ZBBX: variants seen among roughly 807,000 people sequenced by gnomAD.
ZBBX encodes the protein zinc finger B-box domain containing, also known as zinc finger B-box domain-containing protein 1.
Under a neutral mutation model 108.5 loss-of-function variants are expected in ZBBX, and 101 were observed. The ratio of observed to expected loss-of-function variants is 0.93; its 90% confidence interval spans 0.79 to 1.10. ZBBX has a LOEUF of 1.10. Among genes scored for constraint, ZBBX ranks in the 50% least tolerant of loss-of-function variants. The pLI, the probability that ZBBX is intolerant of heterozygous loss-of-function variation, is 0.00. For synonymous variants in ZBBX, 356 were observed against 323.4 expected (o/e 1.10, Z -1.08); for missense variants, 1,009 against 941.4 (o/e 1.07, Z -0.94).
At chr3:167,384,177 TA>T (rs1747830845), upstream of ZBBX, among the ~76,000 whole-genome samples, 1 of 152,030 alleles carries the variant, frequency 6.6e-6, no homozygotes, top group African/African-American at 2.4e-5. Flanking sequence ...AATGTAAAAA[TA>T]GAGCAAGTGG....
At position 167,244,062 on chromosome 3, in the gene ZBBX, T is replaced by A. The variant is rs1322816494; in HGVS notation, c.2255-1419A>T. 2.0e-5 allele frequency among the ~76,000 whole-genome samples: 3 copies of A among 152,240 alleles called. No individual in the cohort carries two copies. In the South Asian group the frequency reaches 6.2e-4, roughly 32 times the overall value. On this transcript the variant is annotated intron_variant, in intron 20 of 21. Coordinates refer to ENST00000675490, the MANE Select transcript of ZBBX (RefSeq NM_001199201.2). Reference sequence around the variant, plus strand: ...AAGACAAAAGATTTTTTAGTTAAAATTTTTTAAACCTCCTAATTACTTCCA... The same window carrying A: ...AAGACAAAAGATTTTTTAGTTAAAAATTTTTAAACCTCCTAATTACTTCCA...
In ZBBX at chr3:167,273,489, T is replaced by A. The variant is rs189248930; in HGVS notation, c.2254+8749A>T. ...CCTGTGGGTCAGCCCCCAAGGGCCA[T>A]TCAGCTTCGGTCTTCTGCTCATTTC... On this transcript the variant is annotated intron_variant, in intron 20 of 21. Transcript: ENST00000675490. Among the ~76,000 whole-genome samples the A allele has an allele frequency of 2.3e-4, 35 of 152,298 alleles. No individual in the cohort carries two copies. The East Asian group carries it at 6.8e-3, about 30-fold the overall frequency.
chr3:167,254,337 C>T (rs1346104708), intron 20 of ZBBX, among the ~76,000 whole-genome samples: 2 of 152,070 alleles, frequency 1.3e-5, no homozygotes, highest in African/African-American at 2.4e-5. Flanking sequence ...GAACCGGGTA[C>T]AGTGTATGTG....
At chr3:167,256,030 A>T (rs923681824) in intron 20 of ZBBX, among the ~76,000 whole-genome samples, 5 of 152,016 alleles carry the variant, frequency 3.3e-5, no homozygotes, top group African/African-American at 1.2e-4. Context: ...TGATGTTTAG[A>T]TCCCACAAAT....
chr3:167,333,532 A>T (rs531648701), intron 10 of ZBBX, among the ~76,000 whole-genome samples: 2 of 152,296 alleles, frequency 1.3e-5, no homozygotes, highest in Non-Finnish European at 2.9e-5. Flanking sequence ...TGTGGTTTTT[A>T]AAAAAATGTT....
chr3:167,206,406 T>C, the ZBBX span, among the ~76,000 whole-genome samples: 2 of 152,068 alleles, frequency 1.3e-5, no homozygotes, highest in East Asian at 3.8e-4. Context: ...ATGCTGAGTT[T>C]TTCATATTGT....
At chr3:167,191,757 A>G in the ZBBX span, among the ~76,000 whole-genome samples, 2 of 151,762 alleles carry the variant, frequency 1.3e-5, no homozygotes, top group Non-Finnish European at 2.9e-5. Flanking sequence ...AAGTATTAGT[A>G]GGGGATCTTG....
At chr3:167,283,773 G>A (rs1729227406) in intron 19 of ZBBX, among the ~76,000 whole-genome samples, 1 of 152,160 alleles carries the variant, frequency 6.6e-6, no homozygotes, top group Admixed American at 6.5e-5. Context: ...AGGCTCCCAA[G>A]CTGGGATTAC....
At position 167,298,473 on chromosome 3, in the gene ZBBX, A is replaced by G. The variant is rs765995423; in HGVS notation, c.1726-15T>C. On this transcript the variant is annotated splice_polypyrimidine_tract_variant and intron_variant, in intron 17 of 21. Coordinates refer to ENST00000675490, the MANE Select transcript of ZBBX (RefSeq NM_001199201.2). The stretch of plus-strand genomic sequence containing the variant: ...TCTTGTAACAACTAAGAAACAAAAT[A>G]TTCAACAATATTATTTTCTAACTCA... The G allele has an allele frequency of 4.8e-6, 7 of 1,447,426 alleles. No individual in the cohort carries two copies. The highest frequency in any genetic ancestry group is 6.5e-6 in the Non-Finnish European group (7 of 1,084,590). The allele number at this position is 1,447,426 out of a possible 1,614,324, so 89.7% of individuals were successfully genotyped here.
chr3:167,334,316 T>C (rs1739185799), intron 9 of ZBBX, among the ~76,000 whole-genome samples: 1 of 152,154 alleles, frequency 6.6e-6, no homozygotes, highest in African/African-American at 2.4e-5. Context: ...CTCGCTCCTG[T>C]AATCTCAGCA....
chr3:167,214,685 A>G, the ZBBX span, among the ~76,000 whole-genome samples: 1 of 152,166 alleles, frequency 6.6e-6, no homozygotes, highest in Non-Finnish European at 1.5e-5. Flanking sequence ...AACAGAATGC[A>G]CATTCTTCTC....
At chr3:167,254,303 C>T (rs532426992) in intron 20 of ZBBX, among the ~76,000 whole-genome samples, 58 of 152,144 alleles carry the variant, frequency 3.8e-4, no homozygotes, top group African/African-American at 1.4e-3. Context: ...TGTGTGTATG[C>T]AAATAGGACA....
intron 18 of ZBBX, among the ~76,000 whole-genome samples, chr3:167,295,681 AAAAAAATCATGAAG>A (rs1281807915): frequency 1.4e-5 from 2 of 143,940 alleles, no homozygotes; most frequent in Non-Finnish European, 3.0e-5. Flanking sequence ...GAAATTTTAA[AAAAAAATCATGAAG>A]AAACAAAAAA....
chr3:167,285,231 T>A (rs1053050377), intron 19 of ZBBX, among the ~76,000 whole-genome samples: 6 of 152,076 alleles, frequency 3.9e-5, no homozygotes, highest in African/African-American at 1.4e-4. Context: ...CTGGTAAGGA[T>A]ATAAAAAATA....
chr3:167,269,681 G>T (rs978600579), intron 20 of ZBBX, among the ~76,000 whole-genome samples: 1 of 152,186 alleles, frequency 6.6e-6, no homozygotes, highest in African/African-American at 2.4e-5. Context: ...AGCCTTGTAT[G>T]TCTCTTTATA....
chr3:167,212,235 C>A, the ZBBX span, among the ~76,000 whole-genome samples: 1 of 152,156 alleles, frequency 6.6e-6, no homozygotes, highest in Non-Finnish European at 1.5e-5. Context: ...CATACCACAG[C>A]AGCTCTACAG....
At chr3:167,227,216 G>T in the ZBBX span, among the ~76,000 whole-genome samples, 363 of 151,818 alleles carry the variant, frequency 2.4e-3, 2 homozygotes, top group African/African-American at 7.4e-3. Context: ...TACAATGTAG[G>T]TGCTAAATAA....
At chr3:167,288,023 C>G (rs1029813121) in intron 19 of ZBBX, among the ~76,000 whole-genome samples, 1 of 152,060 alleles carries the variant, frequency 6.6e-6, no homozygotes, top group Non-Finnish European at 1.5e-5. Flanking sequence ...CCCCCTTTCT[C>G]AGGTATTCCT....
At chr3:167,291,109 T>C (rs1004668233) in intron 18 of ZBBX, among the ~76,000 whole-genome samples, 2 of 151,914 alleles carry the variant, frequency 1.3e-5, no homozygotes, top group African/African-American at 4.8e-5. Context: ...ACGGGGAGAA[T>C]GGAACCAAGT....
Sources: allele counts gnomAD v4.1 joint callset (sites outside exome capture counted in the v4.1 genomes callset), GRCh38; gene constraint gnomAD v4.1.1; transcripts MANE v1.5; gene names NCBI Gene and HGNC (gene_info 2026-07-23, HGNC 2026-07-21).